AP1S3: variants seen among roughly 807,000 people sequenced by gnomAD.
AP1S3 encodes the protein AP-1 complex subunit sigma-3.
A neutral mutation model predicts 20.9 loss-of-function variants in AP1S3; 10 were observed. That is an observed-to-expected ratio of 0.48 (90% CI 0.29 to 0.81). The LOEUF (loss-of-function observed/expected upper bound fraction) is 0.81, where lower values mean the gene tolerates loss of function less well. Among genes scored for constraint, AP1S3 ranks in the 30% least tolerant of loss-of-function variants. AP1S3 has a pLI of 0.08. For missense variants in AP1S3, 154 were observed against 183.8 expected, an observed-to-expected ratio of 0.84 and a Z score of 0.94; for synonymous variants, 41 against 61.5, an observed-to-expected ratio of 0.67 and a Z score of 1.56.
chr2:223,816,498 C>G (rs932495038), intron 1 of AP1S3, among the ~76,000 whole-genome samples: 1 of 152,176 alleles, frequency 6.6e-6, no homozygotes, highest in African/African-American at 2.4e-5. Flanking sequence ...ATCACGAGAA[C>G]CAACAGCAAG....
intron 1 of AP1S3, among the ~76,000 whole-genome samples, chr2:223,786,286 T>A (rs2106098644): frequency 6.6e-6 from 1 of 152,312 alleles, no homozygotes; most frequent in East Asian, 1.9e-4. Flanking sequence ...CTAATAACTA[T>A]TTTTCTTTAA....
chr2:223,769,102 G>A (rs937159177), intron 3 of AP1S3, among the ~76,000 whole-genome samples: 3 of 152,130 alleles, frequency 2.0e-5, no homozygotes, highest in African/African-American at 7.2e-5. Context: ...GGCATACTGG[G>A]GGTATATCAC....
At chr2:223,772,393 A>T (rs1381081989) in intron 3 of AP1S3, among the ~76,000 whole-genome samples, 1 of 152,168 alleles carries the variant, frequency 6.6e-6, no homozygotes, top group Non-Finnish European at 1.5e-5. Flanking sequence ...AGCAAAAAAC[A>T]AACAAACAAA....
intron 1 of AP1S3, among the ~76,000 whole-genome samples, chr2:223,804,418 G>GCCCA (rs1235696506): frequency 6.6e-6 from 1 of 152,168 alleles, no homozygotes; most frequent in Non-Finnish European, 1.5e-5. Flanking sequence ...ATGAGGATCA[G>GCCCA]CCCAGTATGG....
At chr2:223,789,119 C>A (rs1691147207) in intron 1 of AP1S3, among the ~76,000 whole-genome samples, 1 of 134,484 alleles carries the variant, frequency 7.4e-6, no homozygotes, top group Non-Finnish European at 1.6e-5. Flanking sequence ...AAGAAAGAGA[C>A]AGAAAAGAAC....
chr2:223,818,693 C>T (rs574047657), intron 1 of AP1S3, among the ~76,000 whole-genome samples: 2 of 152,222 alleles, frequency 1.3e-5, no homozygotes, highest in African/African-American at 2.4e-5. Flanking sequence ...GCTGGGATTA[C>T]AGGCATGCGC....
At chr2:223,808,786 G>A (rs946500689) in intron 1 of AP1S3, among the ~76,000 whole-genome samples, 1 of 152,070 alleles carries the variant, frequency 6.6e-6, no homozygotes, top group South Asian at 2.1e-4. Flanking sequence ...CAGGTGGATC[G>A]CTTGAGCCCA....
At position 223,770,726 on chromosome 2, in the gene AP1S3, C is replaced by CTT. The variant is rs1194728092; in HGVS notation, c.291+5174_291+5175insAA. Reference sequence around the variant, plus strand: ...ATCCAGGAAGACCCTTAGACCAGTTCATTTTTTTTTTTTTTTTTTTGGAAA... The same window carrying CTT: ...ATCCAGGAAGACCCTTAGACCAGTTCTTATTTTTTTTTTTTTTTTTTTGGAAA... On this transcript the variant is annotated intron_variant, in intron 3 of 4. Coordinates refer to ENST00000396654, the MANE Select transcript of AP1S3 (RefSeq NM_001039569.2). Among the ~76,000 whole-genome samples the CTT allele has an allele frequency of 3.4e-4, 26 of 76,618 alleles. 2 individuals carry two copies. Among genetic ancestry groups the CTT allele is most frequent in the South Asian group, 4.7e-4 (1 of 2,112 alleles). The allele number at this position is 76,618 out of a possible 152,430, so 50.3% of individuals were successfully genotyped here.
intron 3 of AP1S3, among the ~76,000 whole-genome samples, chr2:223,766,482 T>C (rs1479174237): frequency 1.3e-5 from 2 of 152,168 alleles, no homozygotes; most frequent in Non-Finnish European, 2.9e-5. Flanking sequence ...ATTAGAAAAA[T>C]GCAAATCAAA....
intron 1 of AP1S3, among the ~76,000 whole-genome samples, chr2:223,822,966 G>A (rs1446062416): frequency 1.3e-5 from 2 of 152,076 alleles, no homozygotes; most frequent in African/African-American, 4.8e-5. Context: ...TATACAGATG[G>A]CCAACCAGTA....
chr2:223,810,785 T>A (rs1490484109), intron 1 of AP1S3, among the ~76,000 whole-genome samples: 2 of 152,186 alleles, frequency 1.3e-5, no homozygotes, highest in Non-Finnish European at 2.9e-5. Flanking sequence ...TACGTTGTGA[T>A]GAATGGAAAA....
intron 1 of AP1S3, among the ~76,000 whole-genome samples, chr2:223,784,484 C>A (rs1322689969): frequency 6.6e-6 from 1 of 152,118 alleles, no homozygotes; most frequent in Non-Finnish European, 1.5e-5. Context: ...CAACCCTCAC[C>A]TACCTCTTTG....
At chr2:223,780,393 TGTG>T (rs1228951237) in intron 1 of AP1S3, among the ~76,000 whole-genome samples, 13 of 145,684 alleles carry the variant, frequency 8.9e-5, no homozygotes, top group African/African-American at 3.4e-4. Context: ...TGTGTGTGTG[TGTG>T]TTTTGTAGAG....
At chr2:223,779,621 T>C in intron 1 of AP1S3, among the ~76,000 whole-genome samples, 1 of 152,116 alleles carries the variant, frequency 6.6e-6, no homozygotes, top group Non-Finnish European at 1.5e-5. Flanking sequence ...GGAAATTATA[T>C]ATACCAGGAA....
chr2:223,791,808 T>G lies in AP1S3; in HGVS notation c.4-13939A>C, dbSNP rs577798847. 1.5e-4 allele frequency among the ~76,000 whole-genome samples: 23 copies of G among 152,288 alleles called. No homozygotes were observed. The South Asian group carries it at 4.8e-3, about 32-fold the overall frequency. On this transcript the variant is annotated intron_variant, in intron 1 of 4. Coordinates refer to ENST00000396654, the MANE Select transcript of AP1S3 (RefSeq NM_001039569.2). ...TTATCATCTCAGCCCAAAAGCATAT[T>G]AAGCTAATAAGCAACTTCAGCAAAG...
At chr2:223,760,421 G>GTTTTC (rs1338802709) in intron 4 of AP1S3, among the ~76,000 whole-genome samples, 1 of 152,168 alleles carries the variant, frequency 6.6e-6, no homozygotes, top group Non-Finnish European at 1.5e-5. Flanking sequence ...TTCAAAAGAG[G>GTTTTC]TTTTCTAACT....
At position 223,837,469 on chromosome 2, in the gene AP1S3, TC is replaced by T. The variant is rs1182843391; in HGVS notation, c.-20del. 11 of 1,279,610 alleles carry T rather than the reference TC, an allele frequency of 8.6e-6. No individual in the cohort carries two copies. The highest frequency in any genetic ancestry group is 2.7e-5 in the South Asian group (1 of 37,172). The allele number at this position is 1,279,610 out of a possible 1,614,324, so 79.3% of individuals were successfully genotyped here. A position where few individuals can be genotyped will look rare whatever the true frequency, so the allele number is the denominator to read the frequency against. ...TCACCATCGTGGCTGGGCCGCCGCC[TC>T]CCCCGCCTTGCGAGCAAGGAGCGCT... On this transcript the variant is annotated 5_prime_UTR_variant, in exon 1 of 5. Coordinates refer to ENST00000396654, the MANE Select transcript of AP1S3 (RefSeq NM_001039569.2).
rs527711984 is a variant in AP1S3, at chr2:223,834,909, TCTGGG to T, written c.3+2534_3+2538del. ...TACAATTTTGCAAATCTCCTTAATG[TCTGGG>T]CTTATCAAAGACAGTTGGACTTTCC... On this transcript the variant is annotated intron_variant, in intron 1 of 4. Transcript: ENST00000396654. Among the ~76,000 whole-genome samples, 628 of 152,308 alleles carry T rather than the reference TCTGGG, an allele frequency of 4.1e-3. 1 individual carries two copies. The highest frequency in any genetic ancestry group is 5.4e-3 in the Non-Finnish European group (368 of 68,026).
chr2:223,767,140 C>A (rs921738832), intron 3 of AP1S3, among the ~76,000 whole-genome samples: 1 of 151,984 alleles, frequency 6.6e-6, no homozygotes, highest in Non-Finnish European at 1.5e-5. Context: ...ATGTAACAAA[C>A]CTGCACATTC....
Sources: gnomAD v4.1 joint callset for allele counts (sites outside exome capture counted in the v4.1 genomes callset) on GRCh38, gnomAD v4.1.1 for gene constraint, MANE v1.5 for transcripts, NCBI Gene and HGNC (gene_info 2026-07-23, HGNC 2026-07-21) for gene names.